Variants in VIL1 observed in about 807,000 individuals in gnomAD.
VIL1 encodes villin 1.
A neutral mutation model predicts 104.0 loss-of-function variants in VIL1; 86 were observed. The ratio of observed to expected loss-of-function variants is 0.83; its 90% CI spans 0.69 to 0.99. VIL1 has a LOEUF of 0.99. Ranked by LOEUF, VIL1 falls within the 50% of genes least tolerant of loss-of-function variation. VIL1 has a pLI of 0.00. For missense variants in VIL1, 944 were observed against 1,054.1 expected, an observed-to-expected ratio of 0.90 and a Z score of 1.45; for synonymous variants, 394 against 412.6, an observed-to-expected ratio of 0.95 and a Z score of 0.55.
intron 16 of VIL1, 61 bp from the exon 17 acceptor site, chr2:218,437,063 C>T (rs1689203525): frequency 6.4e-7 from 1 of 1,569,908 alleles, no homozygotes; most frequent in African/African-American, 1.4e-5. Flanking sequence ...ACAACTGAGG[C>T]AGAGCCCTGT....
rs1034853290 is a variant in VIL1, at chr2:218,451,599, G to A, written c.*2263G>A. 6.6e-6 allele frequency: 1 copy of A among 150,690 alleles called. No homozygotes were observed. The highest frequency in any genetic ancestry group is 2.4e-5 in the African/African-American group (1 of 40,996). 9.3% of individuals were successfully genotyped at this position (150,690 alleles called of 1,614,324 possible). A position where few individuals can be genotyped will look rare whatever the true frequency, so the allele number is the denominator to read the frequency against. The stretch of plus-strand genomic sequence containing the variant: ...ATATCCGTAGCTGTATGTGTGTATA[G>A]TTACATAATGGTAACTACACACGAT... On this transcript the variant is annotated 3_prime_UTR_variant, in exon 20 of 20. Coordinates refer to ENST00000248444, the MANE Select transcript of VIL1 (RefSeq NM_007127.3).
At chr2:218,431,371 A>G (rs1689096165) in intron 10 of VIL1, among the ~76,000 whole-genome samples, 1 of 140,020 alleles carries the variant, frequency 7.1e-6, no homozygotes, top group Non-Finnish European at 1.6e-5. Flanking sequence ...AAAAAAAAAA[A>G]AAGGGGAGCT....
At chr2:218,443,209 T>A (rs1172279216) in intron 19 of VIL1, among the ~76,000 whole-genome samples, 1 of 150,976 alleles carries the variant, frequency 6.6e-6, no homozygotes, top group African/African-American at 2.4e-5. Flanking sequence ...TTTCTTTTTT[T>A]TTTTTTTGAG....
chr2:218,442,783 T>C (rs920619365), intron 19 of VIL1, among the ~76,000 whole-genome samples: 1 of 152,228 alleles, frequency 6.6e-6, no homozygotes, highest in Non-Finnish European at 1.5e-5. Flanking sequence ...AGAAGAGAGA[T>C]ACCTAGTTTC....
chr2:218,427,113 C>T (rs551301853), intron 4 of VIL1, among the ~76,000 whole-genome samples: 6 of 152,294 alleles, frequency 3.9e-5, no homozygotes, highest in Admixed American at 3.9e-4. Context: ...AAAACACACA[C>T]TCTGGAGCTG....
intron 15 of VIL1, 115 bp from the exon 16 acceptor site, chr2:218,436,367 A>G (rs1689189857): frequency 7.3e-7 from 1 of 1,365,884 alleles, no homozygotes; most frequent in Admixed American, 2.3e-5. Context: ...AAGATAGAGC[A>G]TTTTGCTGGA....
intron 19 of VIL1, among the ~76,000 whole-genome samples, chr2:218,447,273 G>C (rs1440315107): frequency 2.0e-5 from 3 of 152,140 alleles, no homozygotes; most frequent in Admixed American, 2.0e-4. Flanking sequence ...TCTCCTGAGG[G>C]TGACAGGCTT....
chr2:218,424,575 TCA>T (rs1688948305), intron 3 of VIL1, among the ~76,000 whole-genome samples: 1 of 152,238 alleles, frequency 6.6e-6, no homozygotes, highest in Non-Finnish European at 1.5e-5. Context: ...TTCTGTGGAT[TCA>T]CAGTCTTGGG....
chr2:218,435,460 A>C, intron 15 of VIL1, 26 bp downstream of exon 15: 1 of 1,608,076 alleles, frequency 6.2e-7, no homozygotes, highest in Non-Finnish European at 8.5e-7. Context: ...CTCCGCCTCC[A>C]GGTTACCAAG....
chr2:218,423,639 TA>T, intron 1 of VIL1, 128 bp from the exon 2 acceptor site: 1 of 803,712 alleles, frequency 1.2e-6, no homozygotes, highest in South Asian at 1.6e-5. Flanking sequence ...GAGTGGGGAG[TA>T]ACCCTCTGTG....
In VIL1 at chr2:218,428,055, G is replaced by A. The variant is rs991656421; in HGVS notation, c.438G>A (p.Arg146=). The change falls in exon 5 of 20, where the codon AGG becomes AGA. Residue 146 remains arginine, a synonymous_variant. Coordinates refer to ENST00000248444, the MANE Select transcript of VIL1 (RefSeq NM_007127.3). The part of the protein sequence containing the change: ...VQRLLHVKGK[R]NVVAGEVEMS... ...GGCTGCTGCATGTCAAGGGCAAGAG[G>A]AACGTGGTAGCTGGAGAGGTAGGCA... 3.7e-6 allele frequency: 6 copies of A among 1,614,160 alleles called. No individual in the cohort carries two copies. The East Asian group carries it at 8.9e-5, about 24-fold the overall frequency.
chr2:218,430,604 A>G (rs1414147791), intron 9 of VIL1, 121 bp from the exon 10 acceptor site: 15 of 1,326,690 alleles, frequency 1.1e-5, no homozygotes, highest in Non-Finnish European at 1.5e-5. Flanking sequence ...GTTTGGGTTC[A>G]GTTTTGGTGC....
chr2:218,430,588 G>C (rs528974541), intron 9 of VIL1, 137 bp from the exon 10 acceptor site: 1 of 1,140,756 alleles, frequency 8.8e-7, no homozygotes, highest in East Asian at 2.6e-5. Context: ...TTAGCATTGG[G>C]ATTGGGTTTG....
At chr2:218,433,901 GA>G (rs35518584) in intron 13 of VIL1, among the ~76,000 whole-genome samples, 2,448 of 118,364 alleles carry the variant, frequency 0.021, 47 homozygotes, top group African/African-American at 0.067. Context: ...CCGTCTCAAG[GA>G]AAAAAAAAAA....
At chr2:218,422,652 G>A (rs536508264) in intron 1 of VIL1, among the ~76,000 whole-genome samples, 1 of 152,224 alleles carries the variant, frequency 6.6e-6, no homozygotes, top group Admixed American at 6.5e-5. Context: ...AAGTCACTAA[G>A]AGGTGACTCA....
rs761188494 is a variant in VIL1, at chr2:218,424,345, C to A, written c.144C>A (p.Ile48=). Residue 48 remains isoleucine (I), a synonymous_variant, in exon 3 of 20, where the codon ATC becomes ATA. Coordinates refer to ENST00000248444, the MANE Select transcript of VIL1 (RefSeq NM_007127.3). ...TCTTCGATGGTGACTGCTACATCAT[C>A]CTGGCTGTGAGTCAGGGGCAGGGGA... ...GSFFDGDCYI[I]LAIHKTASSL... The A allele has an allele frequency of 6.2e-7, 1 of 1,613,888 alleles. No individual in the cohort carries two copies. The highest frequency in any genetic ancestry group is 1.7e-5 in the Admixed American group (1 of 60,008).
chr2:218,446,175 C>T (rs1012849844), intron 19 of VIL1, among the ~76,000 whole-genome samples: 1 of 152,162 alleles, frequency 6.6e-6, no homozygotes, highest in Non-Finnish European at 1.5e-5. Context: ...CCTGCTCCTA[C>T]AAAATAATCT....
At chr2:218,431,571 G>A (rs1689098962) in intron 10 of VIL1, among the ~76,000 whole-genome samples, 1 of 152,134 alleles carries the variant, frequency 6.6e-6, no homozygotes, top group South Asian at 2.1e-4. Flanking sequence ...GTCAAGGCTT[G>A]AAGTCTGAAT....
intron 19 of VIL1, among the ~76,000 whole-genome samples, chr2:218,441,688 G>C (rs2106396697): frequency 6.6e-6 from 1 of 152,066 alleles, no homozygotes; most frequent in Admixed American, 6.6e-5. Context: ...TGAAGTAGCA[G>C]AGTGACAGAC....
Sources: gnomAD v4.1 joint callset for allele counts (sites outside exome capture counted in the v4.1 genomes callset) on GRCh38, gnomAD v4.1.1 for gene constraint, MANE v1.5 for transcripts, NCBI Gene and HGNC (gene_info 2026-07-23, HGNC 2026-07-21) for gene names.